The following ARB2A variants were observed in gnomAD, a reference collection of about 807,000 sequenced individuals.
The protein encoded by ARB2A is cotranscriptional regulator ARB2A.
chr5:94,052,553 T>C, the ARB2A span, among the ~76,000 whole-genome samples: 1 of 152,212 alleles, frequency 6.6e-6, no homozygotes, highest in Admixed American at 6.5e-5. Flanking sequence ...AATATTACCC[T>C]TCAAGTGTAA....
At chr5:93,920,169 G>A in the ARB2A span, among the ~76,000 whole-genome samples, 1 of 152,082 alleles carries the variant, frequency 6.6e-6, no homozygotes, top group East Asian at 1.9e-4. Flanking sequence ...CTCGTGCCTG[G>A]ATCATAGGTA....
chr5:93,963,982 A>G, the ARB2A span, among the ~76,000 whole-genome samples: 14 of 152,048 alleles, frequency 9.2e-5, no homozygotes, highest in Non-Finnish European at 1.8e-4. Context: ...GGGAAGGAGC[A>G]GGGTTATGAA....
chr5:94,047,398 A>T, the ARB2A span, among the ~76,000 whole-genome samples: 1 of 151,910 alleles, frequency 6.6e-6, no homozygotes, highest in South Asian at 2.1e-4. Context: ...AGGCTGAGGC[A>T]GGAGAATCAC....
chr5:93,709,644 A>C, the ARB2A span, among the ~76,000 whole-genome samples: 9 of 149,408 alleles, frequency 6.0e-5, no homozygotes, highest in East Asian at 1.4e-3. Flanking sequence ...AAAAAAAAAA[A>C]AAAAAAAAAA....
chr5:93,895,641 T>C, the ARB2A span, among the ~76,000 whole-genome samples: 8 of 152,090 alleles, frequency 5.3e-5, no homozygotes, highest in African/African-American at 1.7e-4. Flanking sequence ...CATAATGTGC[T>C]TTTATGCAAA....
chr5:93,808,030 C>T, the ARB2A span, among the ~76,000 whole-genome samples: 1 of 152,086 alleles, frequency 6.6e-6, no homozygotes, highest in South Asian at 2.1e-4. Flanking sequence ...CAAGAAAAAA[C>T]CTTGCCCAGG....
At chr5:93,824,959 T>C in the ARB2A span, among the ~76,000 whole-genome samples, 2 of 152,234 alleles carry the variant, frequency 1.3e-5, no homozygotes, top group Non-Finnish European at 2.9e-5. Flanking sequence ...GAACCTTTGA[T>C]CTTGACCAGT....
At chr5:93,687,512 A>G in the ARB2A span, among the ~76,000 whole-genome samples, 3 of 152,352 alleles carry the variant, frequency 2.0e-5, no homozygotes, top group Non-Finnish European at 2.9e-5. Context: ...TAGTCAATTA[A>G]TTAAATGCAA....
chr5:93,966,863 C>G, the ARB2A span, among the ~76,000 whole-genome samples: 1 of 152,098 alleles, frequency 6.6e-6, no homozygotes, highest in Non-Finnish European at 1.5e-5. Context: ...TACACATCTA[C>G]TTATAGAACA....
the ARB2A span, among the ~76,000 whole-genome samples, chr5:93,806,857 T>C: frequency 6.6e-6 from 1 of 151,914 alleles, no homozygotes; most frequent in African/African-American, 2.4e-5. Flanking sequence ...TTTAACAATA[T>C]TCAGAAATAG....
chr5:93,965,908 T>C, the ARB2A span, among the ~76,000 whole-genome samples: 4 of 152,096 alleles, frequency 2.6e-5, no homozygotes, highest in African/African-American at 9.6e-5. Context: ...ATTAGATGTA[T>C]GCTAGAACAG....
chr5:93,977,747 A>G, the ARB2A span, among the ~76,000 whole-genome samples: 1 of 152,220 alleles, frequency 6.6e-6, no homozygotes. Context: ...AAATGCAACA[A>G]AAACAAAAAT....
the ARB2A span, among the ~76,000 whole-genome samples, chr5:93,874,455 A>C: frequency 6.6e-6 from 1 of 152,278 alleles, no homozygotes; most frequent in Admixed American, 6.5e-5. Flanking sequence ...AAACACACTG[A>C]TGTGCAGCTG....
the ARB2A span, among the ~76,000 whole-genome samples, chr5:93,628,827 T>C: frequency 6.6e-6 from 1 of 152,250 alleles, no homozygotes; most frequent in African/African-American, 2.4e-5. Flanking sequence ...TGTTATGGCT[T>C]GTTTGATCTT....
chr5:93,841,534 T>A, the ARB2A span, among the ~76,000 whole-genome samples: 1 of 152,158 alleles, frequency 6.6e-6, no homozygotes, highest in East Asian at 1.9e-4. Flanking sequence ...TGAAACCAGT[T>A]CCCTATGGAT....
chr5:93,976,142 T>C, the ARB2A span, among the ~76,000 whole-genome samples: 5 of 152,048 alleles, frequency 3.3e-5, no homozygotes, highest in Admixed American at 2.6e-4. Context: ...ACAAAAACGA[T>C]TTTTTGTTAT....
chr5:94,038,972 T>C, the ARB2A span, among the ~76,000 whole-genome samples: 2 of 152,188 alleles, frequency 1.3e-5, no homozygotes, highest in African/African-American at 4.8e-5. Context: ...TCTCCTATGA[T>C]GATCAATCAG....
chr5:93,846,079 T>G, the ARB2A span, among the ~76,000 whole-genome samples: 1 of 151,820 alleles, frequency 6.6e-6, no homozygotes, highest in Non-Finnish European at 1.5e-5. Context: ...CTTTGTGACT[T>G]TGACTTACCA....
At chr5:93,973,013 A>T in the ARB2A span, among the ~76,000 whole-genome samples, 1 of 151,966 alleles carries the variant, frequency 6.6e-6, no homozygotes, top group South Asian at 2.1e-4. Context: ...CAGTAGCATG[A>T]TCATAGCTCA....
Sources: allele counts gnomAD v4.1 joint callset (sites outside exome capture counted in the v4.1 genomes callset), GRCh38; gene constraint gnomAD v4.1.1; transcripts MANE v1.5; gene names NCBI Gene and HGNC (gene_info 2026-07-23, HGNC 2026-07-21).